The following NBDY variants were observed in gnomAD, a reference collection of about 807,000 sequenced individuals.
The protein encoded by NBDY is P-body dissociating protein.
intron 2 of NBDY, among the ~76,000 whole-genome samples, chrX:56,783,541 G>A (rs763507636): frequency 1.2e-4 from 13 of 112,258 alleles, no homozygotes; most frequent in Non-Finnish European, 2.4e-4. Context: ...TCTGTCTCGG[G>A]GCCTCTAGAG....
At chrX:56,756,142 G>A (rs1341573734) in intron 2 of NBDY, among the ~76,000 whole-genome samples, 2 of 82,638 alleles carry the variant, frequency 2.4e-5, no homozygotes, top group African/African-American at 9.0e-5. Flanking sequence ...GGACTGTTGT[G>A]AGGTGGGGGG....
At chrX:56,732,280 A>G in intron 2 of NBDY, 81 bp downstream of exon 2, 1 of 288,658 alleles carries the variant, frequency 3.5e-6, no homozygotes, top group Non-Finnish European at 6.1e-6. Context: ...GTAGCCAAAC[A>G]AAACTCAAAA....
At chrX:56,747,527 C>T (rs2069563512) in intron 2 of NBDY, among the ~76,000 whole-genome samples, 1 of 111,401 alleles carries the variant, frequency 9.0e-6, no homozygotes, top group South Asian at 3.8e-4. Flanking sequence ...AGGTAGTTTT[C>T]CTGGAGTGGA....
intron 2 of NBDY, among the ~76,000 whole-genome samples, chrX:56,786,832 G>A (rs970872021): frequency 2.7e-5 from 3 of 110,865 alleles, no homozygotes; most frequent in Admixed American, 9.6e-5. Context: ...ATTAGGCCTG[G>A]AGAAAGCTTC....
intron 2 of NBDY, among the ~76,000 whole-genome samples, chrX:56,801,652 C>A (rs1438949607): frequency 9.0e-6 from 1 of 111,470 alleles, no homozygotes; most frequent in Non-Finnish European, 1.9e-5. Flanking sequence ...CTTTCCCATT[C>A]TCTTTGTGGA....
At chrX:56,790,749 A>C (rs1365297136) in intron 2 of NBDY, among the ~76,000 whole-genome samples, 1 of 112,069 alleles carries the variant, frequency 8.9e-6, no homozygotes, top group East Asian at 2.8e-4. Flanking sequence ...CACCATGCAT[A>C]CTAACAAGCA....
intron 2 of NBDY, among the ~76,000 whole-genome samples, chrX:56,766,013 T>G (rs776500637): frequency 3.6e-5 from 4 of 111,544 alleles, no homozygotes; most frequent in Non-Finnish European, 7.5e-5. Context: ...CAGATGAAGG[T>G]CATGAGTTTA....
rs939110708 is a variant in NBDY at position 56,818,247 on chromosome X, A to C, written c.*1094A>C. ...AAATTAAAATATAAAATAATAATAC[A>C]ATTTGTTCAAATAAGTAATTAAAGC... On this transcript the variant is annotated 3_prime_UTR_variant, in exon 3 of 3. Coordinates refer to ENST00000374922, the MANE Select transcript of NBDY (RefSeq NM_001348129.2). 14 of 111,820 alleles carry C rather than the reference A, an allele frequency of 1.3e-4. No homozygotes were observed. Among genetic ancestry groups the C allele is most frequent in the African/African-American group, 4.2e-4 (13 of 30,925 alleles). The allele number at this position is 111,820 out of a possible 1,213,427, so 9.2% of individuals were successfully genotyped here.
chrX:56,743,024 A>T (rs1419878872), intron 2 of NBDY, among the ~76,000 whole-genome samples: 1 of 111,079 alleles, frequency 9.0e-6, no homozygotes, highest in Non-Finnish European at 1.9e-5. Context: ...GAAGGTTTTT[A>T]TCATGACGGC....
At chrX:56,758,356 C>T (rs2069621919) in intron 2 of NBDY, among the ~76,000 whole-genome samples, 1 of 109,557 alleles carries the variant, frequency 9.1e-6, no homozygotes, top group African/African-American at 3.3e-5. Flanking sequence ...GAAAGGCAGC[C>T]AGGTCCAACA....
intron 2 of NBDY, among the ~76,000 whole-genome samples, chrX:56,753,682 C>A (rs2069596615): frequency 9.0e-6 from 1 of 111,336 alleles, no homozygotes; most frequent in South Asian, 3.8e-4. Context: ...ATGAGGATTC[C>A]TGAAACCTAA....
At chrX:56,766,936 G>C (rs186145395) in intron 2 of NBDY, among the ~76,000 whole-genome samples, 3 of 112,446 alleles carry the variant, frequency 2.7e-5, no homozygotes, top group Non-Finnish European at 3.8e-5. Flanking sequence ...GAATGTCCCC[G>C]CTGAGGGAGA....
At chrX:56,807,246 G>A (rs758930541) in intron 2 of NBDY, among the ~76,000 whole-genome samples, 48 of 112,067 alleles carry the variant, frequency 4.3e-4, no homozygotes, top group African/African-American at 1.2e-3. Flanking sequence ...GTTAGGCAGC[G>A]TGATGCTTCC....
At chrX:56,767,262 G>C (rs1462949491) in intron 2 of NBDY, among the ~76,000 whole-genome samples, 1 of 113,574 alleles carries the variant, frequency 8.8e-6, no homozygotes, top group Non-Finnish European at 1.9e-5. Flanking sequence ...CCTCCACAGC[G>C]TTCCGACAAG....
chrX:56,780,690 C>T (rs2069680323), intron 2 of NBDY, among the ~76,000 whole-genome samples: 1 of 63,193 alleles, frequency 1.6e-5, no homozygotes, highest in Non-Finnish European at 3.0e-5. Flanking sequence ...ATCTCGTGAG[C>T]GGGCCTGCAC....
intron 2 of NBDY, among the ~76,000 whole-genome samples, chrX:56,767,556 G>A (rs1054294472): frequency 2.7e-5 from 3 of 113,183 alleles, no homozygotes; most frequent in South Asian, 3.6e-4. Context: ...GTTGCCGGTC[G>A]GCATGAGCTC....
intron 2 of NBDY, among the ~76,000 whole-genome samples, chrX:56,754,633 A>G (rs375012241): frequency 8.9e-6 from 1 of 112,214 alleles, no homozygotes; most frequent in East Asian, 2.8e-4. Context: ...GGGAAATTAG[A>G]CAAAATTGTG....
intron 2 of NBDY, among the ~76,000 whole-genome samples, chrX:56,810,052 C>A (rs1158741559): frequency 1.2e-5 from 1 of 81,098 alleles, no homozygotes; most frequent in African/African-American, 4.1e-5. Context: ...GTTGAAGATT[C>A]TTTTCTTTAA....
rs2069462226 is a variant in NBDY, at chrX:56,732,106, A to G, written c.*73A>G. On this transcript the variant is annotated 3_prime_UTR_variant, in exon 2 of 3. Transcript: ENST00000374922. ...ATGACTCCATTTCCCTGGTGCATTC[A>G]TATAATAGTTCACCTGGTGAAAACA... is the stretch of plus-strand genomic sequence containing the variant. The G allele has an allele frequency of 1.3e-5, 4 of 297,139 alleles. No homozygotes were observed. In the East Asian group the frequency reaches 1.9e-4, roughly 14 times the overall value. 24.5% of individuals were successfully genotyped at this position (297,139 alleles called of 1,213,427 possible).
Sources: gnomAD v4.1 joint callset for allele counts (sites outside exome capture counted in the v4.1 genomes callset) on GRCh38, gnomAD v4.1.1 for gene constraint, MANE v1.5 for transcripts, NCBI Gene and HGNC (gene_info 2026-07-23, HGNC 2026-07-21) for gene names.